The following CFAP299 variants were observed in gnomAD, a reference collection of about 807,000 sequenced individuals.
CFAP299 encodes the protein cilia- and flagella-associated protein 299.
Under a neutral mutation model 27.0 loss-of-function variants are expected in CFAP299, and 21 were observed. The observed-to-expected ratio is 0.78, with a 90% confidence interval of 0.55 to 1.12. The LOEUF is 1.12. CFAP299 is among the 50% of genes most tolerant of loss of function. The probability of loss-of-function intolerance (pLI) is 0.00; values close to 1 mark genes in which losing one functional copy is unlikely to be tolerated. For missense variants in CFAP299, 310 were observed against 276.6 expected (o/e 1.12, Z -0.86); for synonymous variants, 104 against 98.1 (o/e 1.06, Z -0.36).
At chr4:80,845,380 G>A (rs1731126482) in intron 3 of CFAP299, among the ~76,000 whole-genome samples, 1 of 150,436 alleles carries the variant, frequency 6.6e-6, no homozygotes, top group Non-Finnish European at 1.5e-5. Context: ...GACTTTTATT[G>A]CATTTAAGTT....
chr4:80,716,635 T>C (rs1487258336), intron 3 of CFAP299, among the ~76,000 whole-genome samples: 3 of 152,108 alleles, frequency 2.0e-5, no homozygotes, highest in African/African-American at 7.2e-5. Context: ...CTTACTTCTT[T>C]ATTTATAATG....
chr4:80,767,196 A>C, intron 3 of CFAP299, among the ~76,000 whole-genome samples: 1 of 152,162 alleles, frequency 6.6e-6, no homozygotes, highest in African/African-American at 2.4e-5. Flanking sequence ...TATATATAAT[A>C]AAGTTTAATT....
At chr4:80,692,055 A>G (rs1251425720) in intron 3 of CFAP299, among the ~76,000 whole-genome samples, 1 of 152,254 alleles carries the variant, frequency 6.6e-6, no homozygotes, top group Non-Finnish European at 1.5e-5. Flanking sequence ...GGATACAAAC[A>G]AATGGAAGAG....
chr4:80,806,313 A>G (rs1728864268), intron 3 of CFAP299, among the ~76,000 whole-genome samples: 1 of 152,160 alleles, frequency 6.6e-6, no homozygotes, highest in African/African-American at 2.4e-5. Flanking sequence ...CATGTTACCA[A>G]ACATCAAGCC....
chr4:80,365,762 A>G (rs1314267534), intron 2 of CFAP299, among the ~76,000 whole-genome samples: 12 of 152,230 alleles, frequency 7.9e-5, no homozygotes. Flanking sequence ...GTAAATTCAC[A>G]TGCAATTTTA....
At chr4:80,461,017 G>A (rs755256975) in intron 2 of CFAP299, among the ~76,000 whole-genome samples, 7 of 152,146 alleles carry the variant, frequency 4.6e-5, no homozygotes, top group African/African-American at 7.2e-5. Context: ...ATCCAGAAAG[G>A]TGGGAAGGGC....
intron 3 of CFAP299, among the ~76,000 whole-genome samples, chr4:80,613,799 C>T (rs957204243): frequency 6.6e-6 from 1 of 152,200 alleles, no homozygotes; most frequent in Non-Finnish European, 1.5e-5. Context: ...TGCTCTACAA[C>T]TGACTGTATT....
At chr4:80,398,173 C>T (rs912707389) in intron 2 of CFAP299, among the ~76,000 whole-genome samples, 2 of 152,016 alleles carry the variant, frequency 1.3e-5, no homozygotes, top group African/African-American at 4.8e-5. Context: ...AACCACTGCT[C>T]AACGAAATAA....
intron 2 of CFAP299, among the ~76,000 whole-genome samples, chr4:80,399,582 A>G (rs1275916868): frequency 6.6e-6 from 1 of 151,756 alleles, no homozygotes; most frequent in African/African-American, 2.4e-5. Context: ...TCAGCAAACT[A>G]TTGCAAGGAC....
In CFAP299 at chr4:80,621,519, G is replaced by T. The variant is rs946902180; in HGVS notation, c.333+38336G>T. On this transcript the variant is annotated intron_variant, in intron 3 of 5. Coordinates refer to ENST00000358105, the MANE Select transcript of CFAP299 (RefSeq NM_152770.3). ...AATATCATTTGTTGATTTAATAAAT[G>T]AATTCTTACAGCTAGTTTGGAAGAG... Among the ~76,000 whole-genome samples the T allele has an allele frequency of 2.6e-5, 4 of 151,854 alleles. No individual in the cohort carries two copies. The East Asian group carries it at 5.8e-4, about 22-fold the overall frequency.
At chr4:80,441,319 C>T (rs1231430043) in intron 2 of CFAP299, among the ~76,000 whole-genome samples, 1 of 152,142 alleles carries the variant, frequency 6.6e-6, no homozygotes, top group East Asian at 1.9e-4. Flanking sequence ...GGTCAGGTTA[C>T]CCACAACAAG....
chr4:80,746,771 T>C (rs1241749180), intron 3 of CFAP299, among the ~76,000 whole-genome samples: 1 of 152,052 alleles, frequency 6.6e-6, no homozygotes, highest in Non-Finnish European at 1.5e-5. Context: ...AAAAGGATAG[T>C]GAAAATAGTA....
chr4:80,788,311 T>A (rs552913469), intron 3 of CFAP299, among the ~76,000 whole-genome samples: 1 of 152,048 alleles, frequency 6.6e-6, no homozygotes, highest in East Asian at 1.9e-4. Flanking sequence ...AAAATAAAAG[T>A]TCATAAGCTT....
In CFAP299 at chr4:80,806,686, T is replaced by G. The variant is rs141886631; in HGVS notation, c.334-63307T>G. ...AAAGTGGAACAATTAGGGTGGGACT[T>G]GAAAAATGAACTGGAATTTGCTGGG... On this transcript the variant is annotated intron_variant, in intron 3 of 5. Transcript: ENST00000358105. Among the ~76,000 whole-genome samples, 95 of 152,278 alleles carry G rather than the reference T, an allele frequency of 6.2e-4. 2 individuals are homozygous for G. The highest frequency in any genetic ancestry group is 2.2e-3 in the African/African-American group (90 of 41,574).
chr4:80,450,228 C>G (rs938336380), intron 2 of CFAP299, among the ~76,000 whole-genome samples: 4 of 152,110 alleles, frequency 2.6e-5, no homozygotes, highest in African/African-American at 9.7e-5. Flanking sequence ...CTATGTATGT[C>G]TTTGATACCA....
intron 2 of CFAP299, among the ~76,000 whole-genome samples, chr4:80,440,406 C>T (rs1246354878): frequency 1.3e-5 from 2 of 152,152 alleles, no homozygotes; most frequent in South Asian, 4.1e-4. Context: ...GTTACTCAGG[C>T]AAACAGGGTC....
At chr4:80,900,160 G>GTGTGTC (rs1213138298) in intron 4 of CFAP299, among the ~76,000 whole-genome samples, 3 of 150,972 alleles carry the variant, frequency 2.0e-5, no homozygotes, top group Non-Finnish European at 4.4e-5. Flanking sequence ...GTGTGTGTGT[G>GTGTGTC]TCTGAGAGAG....
intron 3 of CFAP299, among the ~76,000 whole-genome samples, chr4:80,745,665 T>C (rs778778791): frequency 1.1e-4 from 16 of 152,098 alleles, no homozygotes; most frequent in Admixed American, 3.3e-4. Context: ...TTTGTCAGAA[T>C]AATTGAACCA....
chr4:80,617,588 C>G (rs1265772839), intron 3 of CFAP299, among the ~76,000 whole-genome samples: 2 of 152,082 alleles, frequency 1.3e-5, no homozygotes, highest in Admixed American at 6.6e-5. Context: ...ATTATTAACA[C>G]TTCACAATAG....
Sources: allele counts gnomAD v4.1 joint callset (sites outside exome capture counted in the v4.1 genomes callset), GRCh38; gene constraint gnomAD v4.1.1; transcripts MANE v1.5; gene names NCBI Gene and HGNC (gene_info 2026-07-23, HGNC 2026-07-21).